Variants in SLC4A4 observed in about 807,000 individuals in gnomAD.
The protein encoded by SLC4A4 is electrogenic sodium bicarbonate cotransporter 1.
In SLC4A4, 27 loss-of-function variants were observed where a neutral mutation model predicts 111.5. The observed-to-expected ratio is 0.24, with a 90% confidence interval of 0.18 to 0.33. The LOEUF is 0.33. Ranked by LOEUF, SLC4A4 falls within the 10% of genes least tolerant of loss-of-function variation. SLC4A4 has a pLI of 1.00. For synonymous variants in SLC4A4, 443 were observed against 463.4 expected (o/e 0.96, Z 0.57); for missense variants, 909 against 1,315.5 (o/e 0.69, Z 4.78).
At chr4:71,148,573 AGT>A (rs1456980994) in intron 2 of SLC4A4, among the ~76,000 whole-genome samples, 2 of 152,032 alleles carry the variant, frequency 1.3e-5, no homozygotes, top group Non-Finnish European at 2.9e-5. Context: ...GATAAGCTCC[AGT>A]GTGTGTTGCT....
intron 6 of SLC4A4, among the ~76,000 whole-genome samples, chr4:71,373,967 G>A (rs1732116277): frequency 6.6e-6 from 1 of 152,164 alleles, no homozygotes; most frequent in African/African-American, 2.4e-5. Context: ...ACAGAAGCAT[G>A]ACAGTTAAGA....
intron 2 of SLC4A4, among the ~76,000 whole-genome samples, chr4:71,236,877 T>G (rs1719851819): frequency 6.6e-6 from 1 of 152,252 alleles, no homozygotes; most frequent in Non-Finnish European, 1.5e-5. Flanking sequence ...AAAAAAAGTC[T>G]TATTTTAAAG....
intron 1 of SLC4A4, among the ~76,000 whole-genome samples, chr4:71,191,580 CCTGTT>C (rs1745734991): frequency 6.6e-6 from 1 of 152,130 alleles, no homozygotes; most frequent in African/African-American, 2.4e-5. Context: ...AAAAGTTTAT[CCTGTT>C]TTAAAGTGAT....
chr4:71,071,279 A>AG (rs1305944897), intron 1 of SLC4A4, among the ~76,000 whole-genome samples: 1 of 151,548 alleles, frequency 6.6e-6, no homozygotes, highest in Admixed American at 6.6e-5. Context: ...AAAAAAAAAA[A>AG]AAGGAAAGAA....
chr4:71,255,881 AT>A (rs1560819258), intron 3 of SLC4A4, among the ~76,000 whole-genome samples: 1 of 152,140 alleles, frequency 6.6e-6, no homozygotes, highest in East Asian at 1.9e-4. Context: ...TTAAATAGGA[AT>A]TGTGGAAAAT....
chr4:71,144,164 T>C (rs936446686), intron 2 of SLC4A4, among the ~76,000 whole-genome samples: 1 of 152,230 alleles, frequency 6.6e-6, no homozygotes, highest in Non-Finnish European at 1.5e-5. Context: ...TTTCTACATA[T>C]GGTTAGCCAG....
intron 2 of SLC4A4, among the ~76,000 whole-genome samples, chr4:71,132,257 T>C (rs1482860279): frequency 1.3e-5 from 2 of 152,118 alleles, no homozygotes; most frequent in Non-Finnish European, 2.9e-5. Flanking sequence ...AAAAGCACTA[T>C]AGAAATGTAA....
chr4:71,192,883 C>T (rs778297783), intron 1 of SLC4A4, among the ~76,000 whole-genome samples: 4 of 152,172 alleles, frequency 2.6e-5, no homozygotes, highest in Non-Finnish European at 5.9e-5. Context: ...TAACCACTCT[C>T]CTAATTTCTG....
intron 1 of SLC4A4, among the ~76,000 whole-genome samples, chr4:71,193,063 G>A (rs1745806968): frequency 2.0e-5 from 3 of 152,274 alleles, no homozygotes; most frequent in East Asian, 3.9e-4. Flanking sequence ...TTAGAAGAAC[G>A]CCACAGTACA....
intron 16 of SLC4A4, 76 bp from the exon 17 acceptor site, chr4:71,531,986 C>G: frequency 1.2e-6 from 1 of 843,624 alleles, no homozygotes; most frequent in Non-Finnish European, 2.0e-6. Context: ...ATACAAAGTT[C>G]TTCATTCAGT....
At chr4:71,163,134 T>C (rs899220747) in intron 2 of SLC4A4, among the ~76,000 whole-genome samples, 2 of 152,162 alleles carry the variant, frequency 1.3e-5, no homozygotes, top group Non-Finnish European at 2.9e-5. Context: ...GTCACAGGGG[T>C]AGACAGACCG....
chr4:71,303,130 A>T (rs1053442513), intron 3 of SLC4A4, among the ~76,000 whole-genome samples: 21 of 152,202 alleles, frequency 1.4e-4, no homozygotes, highest in Admixed American at 2.0e-4. Context: ...CGAATGTGGT[A>T]GTGATCTTAA....
At chr4:71,172,642 G>A (rs1395193266) in intron 2 of SLC4A4, among the ~76,000 whole-genome samples, 1 of 152,246 alleles carries the variant, frequency 6.6e-6, no homozygotes, top group Non-Finnish European at 1.5e-5. Flanking sequence ...AAAGAGATAT[G>A]TTGGCCTTTG....
At chr4:71,505,540 A>G (rs957810402) in intron 16 of SLC4A4, among the ~76,000 whole-genome samples, 1 of 151,566 alleles carries the variant, frequency 6.6e-6, no homozygotes, top group Non-Finnish European at 1.5e-5. Flanking sequence ...CCAGTTTTTA[A>G]TGGGATTTTT....
chr4:71,131,011 T>TA (rs1310095198), intron 2 of SLC4A4, among the ~76,000 whole-genome samples: 1 of 152,166 alleles, frequency 6.6e-6, no homozygotes, highest in African/African-American at 2.4e-5. Flanking sequence ...CCATGATGAA[T>TA]ATCAAGTGAG....
chr4:71,545,084 CTGAAAAGAACTGGTTTTA>C (rs1419232265), intron 18 of SLC4A4, among the ~76,000 whole-genome samples: 1 of 152,064 alleles, frequency 6.6e-6, no homozygotes, highest in Non-Finnish European at 1.5e-5. Context: ...TTATGCCTTC[CTGAAAAGAACTGGTTTTA>C]TGAATGTATA....
chr4:71,510,608 A>G (rs927866845), intron 16 of SLC4A4, among the ~76,000 whole-genome samples: 8 of 152,106 alleles, frequency 5.3e-5, no homozygotes, highest in African/African-American at 1.4e-4. Context: ...GTGTGTCCTC[A>G]GAGGTGAAAT....
chr4:71,261,657 C>T (rs897755468), intron 3 of SLC4A4, among the ~76,000 whole-genome samples: 1 of 152,180 alleles, frequency 6.6e-6, no homozygotes, highest in East Asian at 1.9e-4. Flanking sequence ...TCTTAGAGAG[C>T]CTTGAGTTTC....
rs187504310 is a variant in SLC4A4 at position 71,538,252 on chromosome 4, C to T, written c.2442+3864C>T. On this transcript the variant is annotated intron_variant, in intron 18 of 25. Transcript: ENST00000264485. The stretch of plus-strand genomic sequence containing the variant: ...TGATAAAATTCAGAATTTAGAATTT[C>T]GGAAGTTTAGGAATGATAAAATACA... Among the ~76,000 whole-genome samples the T allele has an allele frequency of 3.2e-3, 492 of 151,990 alleles. 4 individuals carry two copies. The highest frequency in any genetic ancestry group is 0.011 in the African/African-American group (453 of 41,458).
Sources: allele counts gnomAD v4.1 joint callset (sites outside exome capture counted in the v4.1 genomes callset), GRCh38; gene constraint gnomAD v4.1.1; transcripts MANE v1.5; gene names NCBI Gene and HGNC (gene_info 2026-07-23, HGNC 2026-07-21).